The following HS6ST3 variants were observed in gnomAD, a reference collection of about 807,000 sequenced individuals.
HS6ST3 encodes heparan sulfate 6-O-sulfotransferase 3.
In HS6ST3, 12 loss-of-function variants were observed where a neutral mutation model predicts 36.7. The ratio of observed to expected loss-of-function variants is 0.33; its 90% confidence interval spans 0.21 to 0.53. The LOEUF (loss-of-function observed/expected upper bound fraction) is 0.53, where lower values mean the gene tolerates loss of function less well. Among genes scored for constraint, HS6ST3 ranks in the 20% least tolerant of loss-of-function variants. HS6ST3 has a pLI of 0.95. For synonymous variants in HS6ST3, 240 were observed against 257.5 expected (o/e 0.93, Z 0.65); for missense variants, 584 against 640.9 (o/e 0.91, Z 0.96).
intron 1 of HS6ST3, among the ~76,000 whole-genome samples, chr13:96,381,772 T>G (rs1244892224): frequency 6.6e-6 from 1 of 152,150 alleles, no homozygotes; most frequent in African/African-American, 2.4e-5. Context: ...TCACTTTTGT[T>G]TGTTTGTTTG....
At chr13:96,652,451 T>G (rs1158154014) in intron 1 of HS6ST3, among the ~76,000 whole-genome samples, 13 of 152,028 alleles carry the variant, frequency 8.6e-5, no homozygotes, top group South Asian at 2.1e-4. Flanking sequence ...CCACTCCTTC[T>G]TCCTTCTGTT....
intron 1 of HS6ST3, among the ~76,000 whole-genome samples, chr13:96,714,971 G>A (rs1875656480): frequency 6.6e-6 from 1 of 151,994 alleles, no homozygotes; most frequent in Admixed American, 6.6e-5. Context: ...CCTCGTAACA[G>A]CACTGGAATT....
intron 1 of HS6ST3, among the ~76,000 whole-genome samples, chr13:96,463,974 A>AT (rs2055798088): frequency 6.7e-6 from 1 of 149,634 alleles, no homozygotes; most frequent in Non-Finnish European, 1.5e-5. Context: ...AAATTTAAAC[A>AT]TTCATATACT....
At chr13:96,502,824 A>G (rs966059485) in intron 1 of HS6ST3, among the ~76,000 whole-genome samples, 10 of 152,152 alleles carry the variant, frequency 6.6e-5, no homozygotes, top group Non-Finnish European at 1.2e-4. Flanking sequence ...GCCAAGCCAT[A>G]TATCTTGAAT....
At chr13:96,317,230 T>C (rs959843928) in intron 1 of HS6ST3, among the ~76,000 whole-genome samples, 12 of 150,818 alleles carry the variant, frequency 8.0e-5, no homozygotes, top group Admixed American at 2.0e-4. Flanking sequence ...GGTTTTCTGT[T>C]CCTGCATTAA....
At chr13:96,177,077 C>CT (rs563216628) in intron 1 of HS6ST3, among the ~76,000 whole-genome samples, 408 of 152,292 alleles carry the variant, frequency 2.7e-3, no homozygotes, top group Middle Eastern at 0.017. Flanking sequence ...GAGATACCAT[C>CT]TCATGCCAGT....
At chr13:96,243,893 T>C (rs1218117852) in intron 1 of HS6ST3, among the ~76,000 whole-genome samples, 8 of 151,754 alleles carry the variant, frequency 5.3e-5, no homozygotes, top group Admixed American at 6.6e-5. Context: ...CTTTTTCTTT[T>C]TTGAGGGGGT....
intron 1 of HS6ST3, among the ~76,000 whole-genome samples, chr13:96,663,778 T>C (rs2056654565): frequency 6.6e-6 from 1 of 152,224 alleles, no homozygotes; most frequent in Non-Finnish European, 1.5e-5. Context: ...ATCCATTTAA[T>C]TAAATGCTCT....
intron 1 of HS6ST3, among the ~76,000 whole-genome samples, chr13:96,303,048 A>C (rs2054891675): frequency 1.3e-5 from 2 of 152,198 alleles, no homozygotes; most frequent in African/African-American, 4.8e-5. Flanking sequence ...TATGGCCTGC[A>C]AAGTTCTAAA....
intron 1 of HS6ST3, among the ~76,000 whole-genome samples, chr13:96,316,649 GT>G (rs2054971556): frequency 6.6e-6 from 1 of 152,170 alleles, no homozygotes; most frequent in South Asian, 2.1e-4. Flanking sequence ...CAGTTTGTTA[GT>G]TTTATTTCAA....
At chr13:96,276,278 GTGGAAC>G (rs1195096883) in intron 1 of HS6ST3, among the ~76,000 whole-genome samples, 2 of 152,126 alleles carry the variant, frequency 1.3e-5, no homozygotes, top group African/African-American at 4.8e-5. Context: ...CTTCTGTTCT[GTGGAAC>G]TGGACCCAAG....
At chr13:96,317,247 T>G (rs1163408373) in intron 1 of HS6ST3, among the ~76,000 whole-genome samples, 1 of 150,012 alleles carries the variant, frequency 6.7e-6, no homozygotes, top group African/African-American at 2.4e-5. Context: ...TTAATTCACT[T>G]AGGATTATAG....
At chr13:96,591,475 T>C (rs2056381943) in intron 1 of HS6ST3, among the ~76,000 whole-genome samples, 1 of 152,090 alleles carries the variant, frequency 6.6e-6, no homozygotes, top group Admixed American at 6.5e-5. Context: ...TGGGATTACT[T>C]TTTAATTTCT....
intron 1 of HS6ST3, among the ~76,000 whole-genome samples, chr13:96,555,660 T>A (rs1030354873): frequency 6.6e-6 from 1 of 152,176 alleles, no homozygotes. Flanking sequence ...GATGTAAATA[T>A]CACTTCTATA....
chr13:96,313,520 A>G (rs1183179653), intron 1 of HS6ST3, among the ~76,000 whole-genome samples: 3 of 151,850 alleles, frequency 2.0e-5, no homozygotes, highest in African/African-American at 7.3e-5. Flanking sequence ...GACAATTCTC[A>G]TTTACGTATC....
At chr13:96,100,299 A>G (rs2053811905) in intron 1 of HS6ST3, among the ~76,000 whole-genome samples, 1 of 152,092 alleles carries the variant, frequency 6.6e-6, no homozygotes, top group Non-Finnish European at 1.5e-5. Context: ...TTATGCATTC[A>G]TTTTCTGTAT....
chr13:96,445,338 A>G (rs2055692954), intron 1 of HS6ST3, among the ~76,000 whole-genome samples: 3 of 152,184 alleles, frequency 2.0e-5, no homozygotes, highest in African/African-American at 4.8e-5. Context: ...TATCCAAGGT[A>G]TATGACAGCT....
chr13:96,530,940 A>G (rs1053569754), intron 1 of HS6ST3, among the ~76,000 whole-genome samples: 4 of 152,258 alleles, frequency 2.6e-5, no homozygotes, highest in Admixed American at 6.5e-5. Flanking sequence ...TGCATTTCTG[A>G]CAAGTTTCAC....
At chr13:96,228,153 G>A (rs375241941) in intron 1 of HS6ST3, among the ~76,000 whole-genome samples, 8 of 152,264 alleles carry the variant, frequency 5.3e-5, no homozygotes, top group South Asian at 2.1e-4. Context: ...GTTATGATGT[G>A]AAACCAGCCA....
Sources: allele counts gnomAD v4.1 joint callset (sites outside exome capture counted in the v4.1 genomes callset), GRCh38; gene constraint gnomAD v4.1.1; transcripts MANE v1.5; gene names NCBI Gene and HGNC (gene_info 2026-07-23, HGNC 2026-07-21).